Variants in CACNA1A observed in about 807,000 individuals in gnomAD.
The protein encoded by CACNA1A is calcium voltage-gated channel subunit alpha1 A.
In CACNA1A, 57 loss-of-function variants were observed where a neutral mutation model predicts 262.4. The observed-to-expected ratio is 0.22, with a 90% CI of 0.18 to 0.27. The LOEUF (loss-of-function observed/expected upper bound fraction) is 0.27. CACNA1A is among the 10% of genes least tolerant of loss of function. The pLI, the probability that CACNA1A is intolerant of heterozygous loss-of-function variation, is 1.00. For synonymous variants in CACNA1A, 1,431 were observed against 1,419.3 expected (o/e 1.01, Z -0.18); for missense variants, 2,526 against 3,562.8 (o/e 0.71, Z 7.41).
Position 13,212,491 on chromosome 19 carries a change from G to A in CACNA1A, c.6082C>T (p.Pro2028Ser). The change falls in exon 42 of 47, where the codon CCG becomes TCG. Residue 2028 changes from proline to serine, a missense_variant. Physicochemically the swap from Pro to Ser is moderately conservative, Grantham distance 74. This residue lies in a region of CACNA1A where 929 missense variants were observed against 868.1 expected (regional missense o/e 1.07). Coordinates refer to ENST00000360228, the MANE Select transcript of CACNA1A (RefSeq NM_001127222.2). The surrounding 1 kb of genome is among the most constrained non-coding windows in gnomAD (Gnocchi z 5.6). ...MAHESGLKES[P>S]SWVTQRAQEM... is the part of the protein sequence containing the mutation. ...TGGGCACGCTGGGTCACCCAGGACG[G>A]GCTCTCCTTGAGGCCGCTTTCGTGA... 6.3e-7 allele frequency: 1 copy of A among 1,588,150 alleles called. No homozygotes were observed. The highest frequency in any genetic ancestry group is 8.6e-7 in the Non-Finnish European group (1 of 1,167,362).
chr19:13,255,056 G>A (rs1356765488), intron 29 of CACNA1A, 39 bp downstream of exon 29: 1 of 1,604,408 alleles, frequency 6.2e-7, no homozygotes, highest in South Asian at 1.1e-5. Context: ...GAACGAGGTG[G>A]GGGTTAAGTA....
chr19:13,261,451 G>T lies in CACNA1A; in HGVS notation c.4249C>A (p.Arg1417=). Residue 1417 remains arginine, a splice_region_variant and synonymous_variant, in exon 26 of 47, where the codon CGA becomes AGA. Coordinates refer to ENST00000360228, the MANE Select transcript of CACNA1A (RefSeq NM_001127222.2). The part of the protein sequence containing the change: ...DESKEFEKDC[R]GKYLLYEKNE... ...ATGTGCTGGAAAGTGGAGACCCACCGACAATCTTTCTCAAACTCTTTGGAC... is the reference window on the plus strand; with the variant it reads ...ATGTGCTGGAAAGTGGAGACCCACCTACAATCTTTCTCAAACTCTTTGGAC... The T allele has an allele frequency of 6.4e-7, 1 of 1,568,578 alleles. No individual in the cohort carries two copies. The highest frequency in any genetic ancestry group is 1.2e-5 in the South Asian group (1 of 85,160).
intron 1 of CACNA1A, among the ~76,000 whole-genome samples, chr19:13,486,781 G>A (rs1275519416): frequency 6.6e-6 from 1 of 150,868 alleles, no homozygotes; most frequent in African/African-American, 2.4e-5. Flanking sequence ...TGCCTTCCTT[G>A]CACTTCCTCC....
At chr19:13,466,697 A>G (rs997806372) in intron 1 of CACNA1A, among the ~76,000 whole-genome samples, 1 of 151,438 alleles carries the variant, frequency 6.6e-6, no homozygotes, top group Non-Finnish European at 1.5e-5. Context: ...CAATAATAAT[A>G]ATAATAATCA....
chr19:13,211,999 G>A, intron 43 of CACNA1A, 104 bp downstream of exon 43: 1 of 703,160 alleles, frequency 1.4e-6, no homozygotes. Flanking sequence ...ACCCAGGCCT[G>A]AGTCCGGCAG....
chr19:13,390,848 C>A (rs889950374), intron 3 of CACNA1A, among the ~76,000 whole-genome samples: 7 of 152,142 alleles, frequency 4.6e-5, no homozygotes, highest in African/African-American at 1.7e-4. Context: ...AATGGGACAA[C>A]CAGCATCTGG....
At chr19:13,440,842 T>G (rs1243207813) in intron 3 of CACNA1A, among the ~76,000 whole-genome samples, 1 of 152,168 alleles carries the variant, frequency 6.6e-6, no homozygotes, top group Non-Finnish European at 1.5e-5. Flanking sequence ...TGAGACAAGG[T>G]CTCGCTCTGT....
intron 3 of CACNA1A, among the ~76,000 whole-genome samples, chr19:13,374,041 G>C (rs2059366381): frequency 6.6e-6 from 1 of 152,176 alleles, no homozygotes; most frequent in African/African-American, 2.4e-5. Flanking sequence ...AGTTCCCATA[G>C]ATGAGGGGGA....
At chr19:13,301,927 A>C (rs2057796927) in intron 17 of CACNA1A, among the ~76,000 whole-genome samples, 1 of 151,080 alleles carries the variant, frequency 6.6e-6, no homozygotes, top group Admixed American at 6.6e-5. Context: ...TTTCAGAGCT[A>C]GGTCTCTGGA....
intron 3 of CACNA1A, among the ~76,000 whole-genome samples, chr19:13,410,962 G>A (rs2060100249): frequency 6.6e-6 from 1 of 151,960 alleles, no homozygotes; most frequent in Non-Finnish European, 1.5e-5. Context: ...TCAGTCCTGG[G>A]TGCTCTCCTG....
Position 13,230,225 on chromosome 19 carries a change from G to T in CACNA1A, c.5401-16C>A. ...GATTCAGCATCTGTGGGGACCCCGG[G>T]GACCAAGAGAGAATGGGGGCAGAGA... is the stretch of plus-strand genomic sequence containing the variant. On this transcript the variant is annotated splice_polypyrimidine_tract_variant and intron_variant, in intron 35 of 46. Transcript: ENST00000360228. 1 of 1,613,700 alleles carries T rather than the reference G, an allele frequency of 6.2e-7. No individual in the cohort carries two copies. Among genetic ancestry groups the T allele is most frequent in the Non-Finnish European group, 8.5e-7 (1 of 1,179,742 alleles).
chr19:13,269,694 C>T (rs959846269), intron 24 of CACNA1A, among the ~76,000 whole-genome samples: 4 of 152,128 alleles, frequency 2.6e-5, no homozygotes, highest in Non-Finnish European at 4.4e-5. Context: ...GGGCACAGAG[C>T]GTGATACCAC....
intron 23 of CACNA1A, among the ~76,000 whole-genome samples, chr19:13,276,391 C>T (rs144501426): frequency 1.3e-5 from 2 of 152,294 alleles, no homozygotes; most frequent in East Asian, 3.9e-4. Flanking sequence ...TCTGGCTTCC[C>T]ACAGATGCCA....
At chr19:13,224,501 A>C (rs984551331) in intron 38 of CACNA1A, among the ~76,000 whole-genome samples, 166 bp downstream of exon 38, 5 of 151,676 alleles carry the variant, frequency 3.3e-5, no homozygotes, top group Non-Finnish European at 7.4e-5. Context: ...AAAAAAAAAA[A>C]AAAACACCAA....
chr19:13,482,311 G>A lies in CACNA1A; in HGVS notation c.293+23621C>T, dbSNP rs556074977. ...CCATCCTGGCTAGCAGTGAAACCCC[G>A]TCTCTACTAAAATACAAAAAAACTA... On this transcript the variant is annotated intron_variant, in intron 1 of 46. Transcript: ENST00000360228. Among the ~76,000 whole-genome samples, 16 of 151,858 alleles carry A rather than the reference G, an allele frequency of 1.1e-4. No homozygotes were observed. The South Asian group carries it at 3.3e-3, about 32-fold the overall frequency.
intron 24 of CACNA1A, among the ~76,000 whole-genome samples, chr19:13,268,422 T>C (rs928136683): frequency 1.5e-4 from 21 of 143,774 alleles, no homozygotes; most frequent in African/African-American, 4.9e-4. Flanking sequence ...ACGACCCCTC[T>C]GGAAGTTAGT....
At chr19:13,467,658 G>A (rs966663456) in intron 1 of CACNA1A, among the ~76,000 whole-genome samples, 1 of 150,750 alleles carries the variant, frequency 6.6e-6, no homozygotes, top group African/African-American at 2.4e-5. Flanking sequence ...AGGCTGGGGC[G>A]CAGTGGGGTG....
chr19:13,250,533 A>C (rs1461143775), intron 30 of CACNA1A, among the ~76,000 whole-genome samples: 1 of 152,086 alleles, frequency 6.6e-6, no homozygotes, highest in African/African-American at 2.4e-5. Context: ...AGTAGCTGAG[A>C]CTACAGGCAT....
chr19:13,450,555 G>C (rs2060898610), intron 3 of CACNA1A: 1 of 152,086 alleles, frequency 6.6e-6, no homozygotes, highest in South Asian at 2.1e-4. Flanking sequence ...TAGACTCTCA[G>C]CTCCATGAGG....
Sources: gnomAD v4.1 joint callset for allele counts (sites outside exome capture counted in the v4.1 genomes callset) on GRCh38, gnomAD v4.1.1 for gene constraint, gnomAD v4.1.1 regional missense constraint, Gnocchi (gnomAD v3.1) non-coding constraint, MANE v1.5 for transcripts, NCBI Gene and HGNC (gene_info 2026-07-23, HGNC 2026-07-21) for gene names.